P2RY12: variants seen among roughly 807,000 people sequenced by gnomAD.
The protein encoded by P2RY12 is P2Y purinoceptor 12.
P2RY12 carries 3 observed loss-of-function variants against 4.5 expected under a neutral mutation model. The observed-to-expected ratio is 0.67, with a 90% confidence interval of 0.31 to 1.74. The LOEUF (loss-of-function observed/expected upper bound fraction) is 1.74. Among genes scored for constraint, P2RY12 ranks in the 40% most tolerant of loss-of-function variants. The probability of loss-of-function intolerance (pLI) is 0.09; values close to 1 mark genes in which losing one functional copy is unlikely to be tolerated. For synonymous variants in P2RY12, 148 were observed against 154.1 expected (o/e 0.96, Z 0.29); for missense variants, 356 against 407.8 (o/e 0.87, Z 1.09).
At position 151,356,393 on chromosome 3, in the gene P2RY12, AAAAT is replaced by A. The variant is rs888918339; in HGVS notation, c.-179-15637_-179-15634del. ...TGGGACAGTGCAAGGCCCTGTCTCA[AAAAT>A]AAATAAATAAATAAAATTTAAAAAA... On this transcript the variant is annotated intron_variant, in intron 1 of 2. Transcript: ENST00000302632. Among the ~76,000 whole-genome samples the A allele has an allele frequency of 8.5e-4, 129 of 152,250 alleles. 1 individual carries two copies. The highest frequency in any genetic ancestry group is 3.4e-3 in the Middle Eastern group (1 of 294).
At chr3:151,376,170 G>C in intron 1 of P2RY12, 1 of 1,605,752 alleles carries the variant, frequency 6.2e-7, no homozygotes, top group Non-Finnish European at 8.5e-7. Context: ...AGAATGTACC[G>C]AGGGGGACAA....
chr3:151,371,987 G>A (rs1756243862), intron 1 of P2RY12, among the ~76,000 whole-genome samples: 1 of 152,136 alleles, frequency 6.6e-6, no homozygotes, highest in Admixed American at 6.6e-5. Context: ...AGAGAGGAAG[G>A]TAAAAAAACA....
chr3:151,350,139 T>A (rs1414070314), intron 1 of P2RY12: 1 of 1,613,656 alleles, frequency 6.2e-7, no homozygotes, highest in African/African-American at 1.3e-5. Flanking sequence ...AAGCAAGGCA[T>A]CAGCTGAAGA....
Position 151,384,350 on chromosome 3 carries a change from GT to G in P2RY12, c.-180+341del, listed in dbSNP as rs149800694. On this transcript the variant is annotated intron_variant, in intron 1 of 2. Coordinates refer to ENST00000302632, the MANE Select transcript of P2RY12 (RefSeq NM_022788.5). ...AATTTAATGTGATTATTTGCTATTT[GT>G]TTCACCTAACCTTATTAGTACCCAG... 3,107 of 939,648 alleles carry G rather than the reference GT, an allele frequency of 3.3e-3. 75 individuals carry two copies. In the African/African-American group the frequency reaches 0.048, roughly 15 times the overall value. 58.2% of individuals were successfully genotyped at this position (939,648 alleles called of 1,614,324 possible).
chr3:151,363,166 T>G (rs1022406033), intron 1 of P2RY12, among the ~76,000 whole-genome samples: 3 of 151,952 alleles, frequency 2.0e-5, no homozygotes, highest in African/African-American at 7.3e-5. Flanking sequence ...GTCAGCAGAG[T>G]GGCACATCAT....
At position 151,337,771 on chromosome 3, in the gene P2RY12, G is replaced by T; in HGVS notation, c.*46C>A. ...TTTTTACTTAGCGCTTTGCTTTAAC[G>T]AGTTCTGAACACAAAGAGATTGAAA... is the stretch of plus-strand genomic sequence containing the variant. On this transcript the variant is annotated 3_prime_UTR_variant, in exon 3 of 3. Coordinates refer to ENST00000302632, the MANE Select transcript of P2RY12 (RefSeq NM_022788.5). 1 of 1,580,972 alleles carries T rather than the reference G, an allele frequency of 6.3e-7. No homozygotes were observed. The highest frequency in any genetic ancestry group is 1.1e-5 in the South Asian group (1 of 89,814).
At chr3:151,367,846 A>C (rs1327337720) in intron 1 of P2RY12, 1 of 1,485,910 alleles carries the variant, frequency 6.7e-7, no homozygotes, top group Non-Finnish European at 9.2e-7. Flanking sequence ...AACACAGGGA[A>C]AGGAGTATTT....
In P2RY12 at chr3:151,337,523, C is replaced by G. The variant is rs1751174117; in HGVS notation, c.*294G>C. ...TTACAGTAAATATTATATGATTACT[C>G]ATTTTGGCAAAACTCTGCAAAACAT... On this transcript the variant is annotated 3_prime_UTR_variant, in exon 3 of 3. Coordinates refer to ENST00000302632, the MANE Select transcript of P2RY12 (RefSeq NM_022788.5). 6.3e-6 allele frequency: 2 copies of G among 317,410 alleles called. No individual in the cohort carries two copies. Among genetic ancestry groups the G allele is most frequent in the Admixed American group, 9.3e-5 (2 of 21,534 alleles). 19.7% of individuals were successfully genotyped at this position (317,410 alleles called of 1,614,324 possible). A position where few individuals can be genotyped will look rare whatever the true frequency, so the allele number is the denominator to read the frequency against.
chr3:151,346,228 T>C (rs6804769), intron 1 of P2RY12, among the ~76,000 whole-genome samples: 60,158 of 152,014 alleles, frequency 0.4, 12,189 homozygotes, highest in African/African-American at 0.47. Flanking sequence ...TTTCTTTCCA[T>C]ATTAATCCAG....
At chr3:151,355,509 T>C (rs1577419111) in intron 1 of P2RY12, among the ~76,000 whole-genome samples, 1 of 152,192 alleles carries the variant, frequency 6.6e-6, no homozygotes, top group African/African-American at 2.4e-5. Context: ...TTATTAGAGT[T>C]TGGTCCTATA....
chr3:151,354,503 A>T (rs1374459903), intron 1 of P2RY12, among the ~76,000 whole-genome samples: 2 of 152,230 alleles, frequency 1.3e-5, no homozygotes, highest in Admixed American at 1.3e-4. Context: ...AAGTAACAAG[A>T]TGAGTCTCCA....
rs758020400 is a variant in P2RY12, at chr3:151,338,194, G to T, written c.652C>A (p.Arg218=). The change falls in exon 3 of 3, where the codon CGG becomes AGG. Residue 218 remains arginine (R), a synonymous_variant. Transcript: ENST00000302632. ...CYTLITKELY[R]SYVRTRGVGK... ...ACACCCCTCGTTCTTACGTATGACC[G>T]GTACAGTTCTTTTGTAATGAGTGTA... is the stretch of plus-strand genomic sequence containing the variant. 6.2e-7 allele frequency: 1 copy of T among 1,613,916 alleles called. No homozygotes were observed. Among genetic ancestry groups the T allele is most frequent in the Non-Finnish European group, 8.5e-7 (1 of 1,179,932 alleles).
At chr3:151,353,140 G>A (rs971582174) in intron 1 of P2RY12, among the ~76,000 whole-genome samples, 2 of 152,132 alleles carry the variant, frequency 1.3e-5, no homozygotes, top group African/African-American at 4.8e-5. Context: ...ATAAAAAGGT[G>A]CACTTGGGAG....
intron 1 of P2RY12, among the ~76,000 whole-genome samples, chr3:151,364,366 CATG>C (rs1286350739): frequency 1.3e-5 from 2 of 152,094 alleles, no homozygotes; most frequent in African/African-American, 2.4e-5. Flanking sequence ...AGAAATACAA[CATG>C]ATAAGTTTTT....
At chr3:151,372,817 G>T in intron 1 of P2RY12, 1 of 1,436,170 alleles carries the variant, frequency 7.0e-7, no homozygotes, top group Non-Finnish European at 9.8e-7. Context: ...TCTTCTTTTG[G>T]AGAGAGCTAC....
At chr3:151,354,214 TTTTTG>T (rs1219983229) in intron 1 of P2RY12, among the ~76,000 whole-genome samples, 2 of 151,662 alleles carry the variant, frequency 1.3e-5, no homozygotes, top group Admixed American at 6.6e-5. Context: ...CAACTTTTCC[TTTTTG>T]TTTTTAGATT....
Position 151,354,768 on chromosome 3 carries a change from GAATC to G in P2RY12, c.-179-14012_-179-14009del, listed in dbSNP as rs1292969304. ...CACATTAAAATTACCTCAGCAACATGAATCAATCTTAAAAGCATACTGTTGATTG... is the reference window on the plus strand; with the variant it reads ...CACATTAAAATTACCTCAGCAACATGAATCTTAAAAGCATACTGTTGATTG... On this transcript the variant is annotated intron_variant, in intron 1 of 2. Transcript: ENST00000302632. Among the ~76,000 whole-genome samples the G allele has an allele frequency of 6.6e-5, 10 of 152,280 alleles. No homozygotes were observed. In the East Asian group the frequency reaches 1.9e-3, roughly 29 times the overall value.
At chr3:151,347,991 C>G (rs953115943) in intron 1 of P2RY12, among the ~76,000 whole-genome samples, 1 of 152,134 alleles carries the variant, frequency 6.6e-6, no homozygotes. Context: ...GCACGTGGCT[C>G]TTTCTAGGAT....
chr3:151,383,646 A>G, intron 1 of P2RY12: 1 of 597,770 alleles, frequency 1.7e-6, no homozygotes, highest in South Asian at 2.3e-5. Context: ...AAGAGAAAAG[A>G]TAAGGTAATC....
Sources: allele counts gnomAD v4.1 joint callset (sites outside exome capture counted in the v4.1 genomes callset), GRCh38; gene constraint gnomAD v4.1.1; transcripts MANE v1.5; gene names NCBI Gene and HGNC (gene_info 2026-07-23, HGNC 2026-07-21).